The following PAPPA variants were observed in gnomAD, a reference collection of about 807,000 sequenced individuals.
PAPPA encodes pappalysin 1, also known as pappalysin-1.
A neutral mutation model predicts 164.0 loss-of-function variants in PAPPA; 60 were observed. The ratio of observed to expected loss-of-function variants is 0.37; its 90% confidence interval spans 0.30 to 0.45. The LOEUF is 0.45. Ranked by LOEUF, PAPPA falls within the 20% of genes least tolerant of loss-of-function variation. The pLI is 1.00. For missense variants in PAPPA, 1,782 were observed against 2,087.3 expected, an observed-to-expected ratio of 0.85 and a Z score of 2.85; for synonymous variants, 875 against 814.1, an observed-to-expected ratio of 1.07 and a Z score of -1.27.
At chr9:116,324,390 G>C (rs1366644915) in intron 10 of PAPPA, among the ~76,000 whole-genome samples, 1 of 152,208 alleles carries the variant, frequency 6.6e-6, no homozygotes, top group Non-Finnish European at 1.5e-5. Context: ...ACAGTGCCCA[G>C]CATAGAATAG....
intron 20 of PAPPA, among the ~76,000 whole-genome samples, chr9:116,379,684 C>G (rs888944289): frequency 6.6e-6 from 1 of 152,090 alleles, no homozygotes; most frequent in South Asian, 2.1e-4. Flanking sequence ...GGATGATGCG[C>G]ACAGTATAGT....
intron 7 of PAPPA, among the ~76,000 whole-genome samples, chr9:116,257,051 A>G (rs1432460318): frequency 2.0e-5 from 3 of 152,026 alleles, no homozygotes; most frequent in Non-Finnish European, 4.4e-5. Flanking sequence ...ACACAAATAA[A>G]CAAATGAAAA....
At chr9:116,167,077 A>G (rs888189351) in intron 1 of PAPPA, among the ~76,000 whole-genome samples, 11 of 152,182 alleles carry the variant, frequency 7.2e-5, no homozygotes, top group Non-Finnish European at 1.6e-4. Context: ...TTTGCAGGTG[A>G]TTTTCAAACA....
In PAPPA at chr9:116,216,931, A is replaced by G. The variant is rs540483300; in HGVS notation, c.1919-3006A>G. On this transcript the variant is annotated intron_variant, in intron 4 of 21. Coordinates refer to ENST00000328252, the MANE Select transcript of PAPPA (RefSeq NM_002581.5). ...TAATTTTTGTATTTTTGGTGGAGACAGGGTTTCACCATGTTGGTCAGGGTG... is the reference window on the plus strand; with the variant it reads ...TAATTTTTGTATTTTTGGTGGAGACGGGGTTTCACCATGTTGGTCAGGGTG... 3.3e-5 allele frequency among the ~76,000 whole-genome samples: 5 copies of G among 152,000 alleles called. No homozygotes were observed. In the East Asian group the frequency reaches 9.7e-4, roughly 30 times the overall value.
intron 1 of PAPPA, among the ~76,000 whole-genome samples, chr9:116,162,998 G>A (rs1843686026): frequency 1.3e-5 from 2 of 152,122 alleles, no homozygotes; most frequent in South Asian, 4.1e-4. Flanking sequence ...TCTCAGAAAT[G>A]CAGACAAAGA....
In PAPPA at chr9:116,187,099, C is replaced by G. The variant is rs886785002; in HGVS notation, c.416-55C>G. ...TTTTATTAGAGAAAAATAACTTAAC[C>G]CCCCCTCCTTTTCCATCCTTTATTT... On this transcript the variant is annotated intron_variant, in intron 1 of 21. Coordinates refer to ENST00000328252, the MANE Select transcript of PAPPA (RefSeq NM_002581.5). This position sits in a 1 kb window ranked among gnomAD's most constrained non-coding sequence, Gnocchi z 4.2. The G allele has an allele frequency of 7.8e-7, 1 of 1,278,638 alleles. No individual in the cohort carries two copies. Among genetic ancestry groups the G allele is most frequent in the East Asian group, 2.3e-5 (1 of 43,094 alleles). 79.2% of individuals were successfully genotyped at this position (1,278,638 alleles called of 1,614,324 possible). A position where few individuals can be genotyped will look rare whatever the true frequency, so the allele number is the denominator to read the frequency against.
intron 17 of PAPPA, 127 bp downstream of exon 17, chr9:116,353,920 A>C (rs773140362): frequency 1.4e-5 from 9 of 625,918 alleles, no homozygotes; most frequent in Non-Finnish European, 2.1e-5. Flanking sequence ...TCCTACCCGC[A>C]ATACTGTTTT....
intron 7 of PAPPA, among the ~76,000 whole-genome samples, chr9:116,238,275 T>C (rs2118752128): frequency 6.6e-6 from 1 of 152,332 alleles, no homozygotes; most frequent in South Asian, 2.1e-4. Context: ...ACCTGGGAAC[T>C]GAGAAAGGCC....
rs543836108 is a variant in PAPPA at position 116,265,746 on chromosome 9, T to A, written c.2733-111T>A. 3.6e-6 allele frequency: 3 copies of A among 844,230 alleles called. No homozygotes were observed. The South Asian group carries it at 5.4e-5, about 15-fold the overall frequency. 52.3% of individuals were successfully genotyped at this position (844,230 alleles called of 1,614,324 possible). On this transcript the variant is annotated intron_variant, in intron 7 of 21. Transcript: ENST00000328252. Reference sequence around the variant, plus strand: ...TTGGATAGCTAAATGTGCATTTGATTTCAAAAATGAGCAAGACTGATAGAA... The same window carrying A: ...TTGGATAGCTAAATGTGCATTTGATATCAAAAATGAGCAAGACTGATAGAA...
rs114269415 is a variant in PAPPA at position 116,395,091 on chromosome 9, C to T, written c.4777-1418C>T. Among the ~76,000 whole-genome samples, 348 of 151,878 alleles carry T rather than the reference C, an allele frequency of 2.3e-3. 1 individual carries two copies. The highest frequency in any genetic ancestry group is 8.2e-3 in the African/African-American group (338 of 41,400). On this transcript the variant is annotated intron_variant, in intron 21 of 21. Coordinates refer to ENST00000328252, the MANE Select transcript of PAPPA (RefSeq NM_002581.5). ...TTTTCATGAGTTATTTCATGTATTCCTTATCACAACCTCAGGAGGTCTACA... is the reference window on the plus strand; with the variant it reads ...TTTTCATGAGTTATTTCATGTATTCTTTATCACAACCTCAGGAGGTCTACA...
chr9:116,178,142 T>C (rs1843859166), intron 1 of PAPPA, among the ~76,000 whole-genome samples: 1 of 152,198 alleles, frequency 6.6e-6, no homozygotes, highest in Admixed American at 6.5e-5. Context: ...GTTTCGCTCT[T>C]GTTGCCCAGG....
intron 15 of PAPPA, among the ~76,000 whole-genome samples, chr9:116,349,509 A>G (rs1846253992): frequency 6.6e-6 from 1 of 152,200 alleles, no homozygotes; most frequent in Admixed American, 6.5e-5. Context: ...TACCAGATTG[A>G]AGGTCTAGTA....
intron 2 of PAPPA, among the ~76,000 whole-genome samples, chr9:116,192,645 C>T (rs1587945693): frequency 6.6e-6 from 1 of 152,206 alleles, no homozygotes; most frequent in South Asian, 2.1e-4. Flanking sequence ...CCAGGAGGAG[C>T]AGTCTGTGTG....
Position 116,344,599 on chromosome 9 carries a change from C to T in PAPPA, c.3668C>T (p.Ala1223Val). ...TGTCCAGAGCTGGCTGTGGAGAATG[C>T]TTCTCTCAATTGCTCCAGCAGCGAC... is the stretch of plus-strand genomic sequence containing the variant. ...TDCPELAVEN[A>V]SLNCSSSDRY... The change falls in exon 14 of 22, where the codon GCT becomes GTT. Residue 1223 changes from alanine (A) to valine (V), a missense_variant. By Grantham distance (64) the Ala-to-Val change is moderately conservative (BLOSUM62 0). Coordinates refer to ENST00000328252, the MANE Select transcript of PAPPA (RefSeq NM_002581.5). 6.2e-7 allele frequency: 1 copy of T among 1,614,072 alleles called. No homozygotes were observed. Among genetic ancestry groups the T allele is most frequent in the Non-Finnish European group, 8.5e-7 (1 of 1,179,962 alleles).
At chr9:116,288,688 T>C (rs4837617) in intron 9 of PAPPA, 146,925 of 152,122 alleles carry the variant, frequency 0.97, 71,160 homozygotes, top group East Asian at 1. Context: ...AAGAGCAATC[T>C]TGTGCACTGT....
In PAPPA at chr9:116,169,310, CTTTT is replaced by C. The variant is rs563871496; in HGVS notation, c.415+14747_415+14750del. 5.0e-4 allele frequency among the ~76,000 whole-genome samples: 26 copies of C among 52,146 alleles called. No individual in the cohort carries two copies. In the South Asian group the frequency reaches 0.012, roughly 25 times the overall value. The allele number at this position is 52,146 out of a possible 152,430, so 34.2% of individuals were successfully genotyped here. On this transcript the variant is annotated intron_variant, in intron 1 of 21. Coordinates refer to ENST00000328252, the MANE Select transcript of PAPPA (RefSeq NM_002581.5). Reference sequence around the variant, plus strand: ...GTCCTTCGGCCTCTCCAAACCCATTCTTTTTTTTTTTTTTTTTTTTTTTTTTTGA... The same window carrying C: ...GTCCTTCGGCCTCTCCAAACCCATTCTTTTTTTTTTTTTTTTTTTTTTTGA...
Position 116,154,361 on chromosome 9 carries a change from G to A in PAPPA, c.189G>A (p.Pro63=). 3 of 897,680 alleles carry A rather than the reference G, an allele frequency of 3.3e-6. No homozygotes were observed. The highest frequency in any genetic ancestry group is 4.1e-6 in the Non-Finnish European group (3 of 732,034). 55.6% of individuals were successfully genotyped at this position (897,680 alleles called of 1,614,324 possible). ...RGRRASPPPP[P]PPGGAWEAVR... Reference sequence around the variant, plus strand: ...GCCGCGCCTCGCCGCCGCCGCCGCCGCCGCCGGGCGGTGCCTGGGAAGCCG... The same window carrying A: ...GCCGCGCCTCGCCGCCGCCGCCGCCACCGCCGGGCGGTGCCTGGGAAGCCG... Residue 63 remains proline, a synonymous_variant, in exon 1 of 22, where the codon CCG becomes CCA. Coordinates refer to ENST00000328252, the MANE Select transcript of PAPPA (RefSeq NM_002581.5). The surrounding 1 kb of genome is among the most constrained non-coding windows in gnomAD (Gnocchi z 5.2).
intron 21 of PAPPA, among the ~76,000 whole-genome samples, chr9:116,390,520 T>C (rs1344456530): frequency 6.6e-6 from 1 of 151,970 alleles, no homozygotes; most frequent in Non-Finnish European, 1.5e-5. Context: ...TTCAGGAGGA[T>C]TTGAAGCACT....
intron 7 of PAPPA, 138 bp from the exon 8 acceptor site, chr9:116,265,719 T>C: frequency 1.6e-6 from 1 of 633,120 alleles, no homozygotes; most frequent in Non-Finnish European, 2.8e-6. Flanking sequence ...CAATAGAAAG[T>C]ATTGGATAGC....
Sources: gnomAD v4.1 joint callset for allele counts (sites outside exome capture counted in the v4.1 genomes callset) on GRCh38, gnomAD v4.1.1 for gene constraint, Gnocchi (gnomAD v3.1) non-coding constraint, MANE v1.5 for transcripts, NCBI Gene and HGNC (gene_info 2026-07-23, HGNC 2026-07-21) for gene names.